NBEA: variants seen among roughly 807,000 people sequenced by gnomAD.
The protein encoded by NBEA is neurobeachin, also known as lysosomal-trafficking regulator 2.
Under a neutral mutation model 343.4 loss-of-function variants are expected in NBEA, and 44 were observed. The ratio of observed to expected loss-of-function variants is 0.13; its 90% CI spans 0.10 to 0.16. The LOEUF is 0.16. Ranked by LOEUF, NBEA falls within the 10% of genes least tolerant of loss-of-function variation. The pLI is 1.00. For synonymous variants in NBEA, 1,175 were observed against 1,238.7 expected, an observed-to-expected ratio of 0.95 and a Z score of 1.08; for missense variants, 2,555 against 3,631.3, an observed-to-expected ratio of 0.70 and a Z score of 7.62.
chr13:35,475,675 G>T (rs760329379), intron 41 of NBEA: 1 of 1,613,800 alleles, frequency 6.2e-7, no homozygotes, highest in Admixed American at 1.7e-5. Context: ...CACTTCGCTG[G>T]TGTCTGCCAC....
At chr13:35,098,166 T>C in intron 10 of NBEA, 131 bp from the exon 11 acceptor site, 6 of 594,358 alleles carry the variant, frequency 1.0e-5, no homozygotes, top group African/African-American at 1.9e-5. Flanking sequence ...TAAGGCATAA[T>C]AGTCATTGTC....
intron 38 of NBEA, among the ~76,000 whole-genome samples, chr13:35,407,791 A>G (rs1405500359): frequency 1.3e-5 from 2 of 152,190 alleles, no homozygotes; most frequent in Non-Finnish European, 2.9e-5. Context: ...GTACCTAGGA[A>G]TACAGCTAAC....
chr13:35,400,871 G>A (rs966761763), intron 38 of NBEA, among the ~76,000 whole-genome samples: 3 of 151,628 alleles, frequency 2.0e-5, no homozygotes, highest in African/African-American at 7.3e-5. Flanking sequence ...AATGGGAGTT[G>A]ATGGTTTTTA....
chr13:35,313,351 C>T (rs543497991), intron 36 of NBEA, among the ~76,000 whole-genome samples: 226 of 152,236 alleles, frequency 1.5e-3, no homozygotes, highest in South Asian at 2.7e-3. Flanking sequence ...TCTTATTCAT[C>T]GTCTTATTTG....
intron 12 of NBEA, 74 bp downstream of exon 12, chr13:35,109,516 A>G: frequency 7.7e-7 from 1 of 1,303,342 alleles, no homozygotes. Context: ...TATAGTATTC[A>G]GTGGAAAACA....
At chr13:35,265,444 A>G (rs908831280) in intron 34 of NBEA, among the ~76,000 whole-genome samples, 2 of 151,948 alleles carry the variant, frequency 1.3e-5, no homozygotes, top group African/African-American at 4.8e-5. Context: ...TTGAGGCATC[A>G]CATTAGCTGA....
At chr13:35,600,874 T>G (rs2082014082) in intron 47 of NBEA, among the ~76,000 whole-genome samples, 1 of 152,138 alleles carries the variant, frequency 6.6e-6, no homozygotes, top group South Asian at 2.1e-4. Flanking sequence ...GAGGTTCCTC[T>G]TCTTTAAGAA....
chr13:35,198,218 G>A (rs1427035039), intron 31 of NBEA, among the ~76,000 whole-genome samples: 3 of 152,010 alleles, frequency 2.0e-5, no homozygotes, highest in South Asian at 2.1e-4. Context: ...ATGCCTATAT[G>A]TGTGTTTATA....
intron 10 of NBEA, among the ~76,000 whole-genome samples, chr13:35,072,786 C>T (rs747371929): frequency 6.6e-6 from 1 of 152,086 alleles, no homozygotes; most frequent in Non-Finnish European, 1.5e-5. Context: ...TGATCTTGAA[C>T]TCCTGACCTC....
chr13:35,101,038 G>A (rs1451954610), intron 11 of NBEA, among the ~76,000 whole-genome samples: 3 of 151,822 alleles, frequency 2.0e-5, no homozygotes, highest in African/African-American at 4.8e-5. Flanking sequence ...TTAGAACTCC[G>A]TTCTTTTTTA....
rs186816193 is a variant in NBEA, at chr13:35,087,299, C to T, written c.1572-10998C>T. Among the ~76,000 whole-genome samples the T allele has an allele frequency of 2.6e-5, 4 of 151,838 alleles. No individual in the cohort carries two copies. The South Asian group carries it at 6.2e-4, about 24-fold the overall frequency. On this transcript the variant is annotated intron_variant, in intron 10 of 58. Transcript: ENST00000379939. The stretch of plus-strand genomic sequence containing the variant: ...ATTGATCTAGGAAGAGATTTCATGT[C>T]TATATTTAAAAATTAAAATATTTAT...
At chr13:35,475,273 G>C in intron 41 of NBEA, 1 of 1,614,020 alleles carries the variant, frequency 6.2e-7, no homozygotes, top group Non-Finnish European at 8.5e-7. Flanking sequence ...GTCCCAGTCC[G>C]ACTCTCGGGG....
At chr13:35,439,971 C>T (rs2045646894) in intron 39 of NBEA, among the ~76,000 whole-genome samples, 1 of 152,186 alleles carries the variant, frequency 6.6e-6, no homozygotes, top group Non-Finnish European at 1.5e-5. Context: ...CCGCCACCTC[C>T]CAGGTTCAAG....
intron 34 of NBEA, among the ~76,000 whole-genome samples, chr13:35,282,692 T>C (rs1341471938): frequency 1.3e-5 from 2 of 152,222 alleles, no homozygotes; most frequent in African/African-American, 2.4e-5. Flanking sequence ...AAATCTGAGT[T>C]ACTACTGTGA....
intron 36 of NBEA, among the ~76,000 whole-genome samples, chr13:35,314,646 T>C (rs996464754): frequency 1.2e-4 from 18 of 152,212 alleles, no homozygotes; most frequent in African/African-American, 3.6e-4. Context: ...ATTGATAAGC[T>C]GTTAGACAAC....
chr13:35,173,461 T>C lies in NBEA; in HGVS notation c.4424-3T>C. ...AACAATATGTTTTTGAATTTTTAAA[T>C]AGTTTGTTGTGTTGCTGTGAGAAAC... On this transcript the variant is annotated splice_region_variant and splice_polypyrimidine_tract_variant and intron_variant, in intron 26 of 58. Coordinates refer to ENST00000379939, the MANE Select transcript of NBEA (RefSeq NM_001385012.1). 4 of 1,586,778 alleles carry C rather than the reference T, an allele frequency of 2.5e-6. No homozygotes were observed. Among genetic ancestry groups the C allele is most frequent in the Non-Finnish European group, 3.4e-6 (4 of 1,165,934 alleles).
At chr13:35,427,748 C>A (rs1181233238) in intron 38 of NBEA, among the ~76,000 whole-genome samples, 4 of 152,230 alleles carry the variant, frequency 2.6e-5, no homozygotes, top group African/African-American at 9.6e-5. Context: ...CCTACAGAGG[C>A]AGGCAGGCCT....
rs59333937 is a variant in NBEA at position 35,631,638 on chromosome 13, TA to T, written c.7617+3413del. ...TGAATATCTATATATGTCTCCTTTG[TA>T]AAAAAAAAAAAAAAAAAAAAAATTC... On this transcript the variant is annotated intron_variant, in intron 49 of 58. Coordinates refer to ENST00000379939, the MANE Select transcript of NBEA (RefSeq NM_001385012.1). Among the ~76,000 whole-genome samples the T allele has an allele frequency of 6.6e-3, 840 of 126,442 alleles. 3 individuals are homozygous for T. The highest frequency in any genetic ancestry group is 0.018 in the African/African-American group (599 of 32,564). 83.0% of individuals were successfully genotyped at this position (126,442 alleles called of 152,430 possible).
intron 41 of NBEA, among the ~76,000 whole-genome samples, chr13:35,534,891 G>A (rs1470705281): frequency 2.0e-5 from 3 of 152,186 alleles, no homozygotes; most frequent in East Asian, 3.9e-4. Flanking sequence ...ACTTGCTCAT[G>A]ATATTCAAAT....
Sources: allele counts gnomAD v4.1 joint callset (sites outside exome capture counted in the v4.1 genomes callset), GRCh38; gene constraint gnomAD v4.1.1; transcripts MANE v1.5; gene names NCBI Gene and HGNC (gene_info 2026-07-23, HGNC 2026-07-21).